The following DLGAP1 variants were observed in gnomAD, a reference collection of about 807,000 sequenced individuals.
The protein encoded by DLGAP1 is disks large-associated protein 1.
DLGAP1 carries 11 observed loss-of-function variants against 90.8 expected under a neutral mutation model. The observed-to-expected ratio is 0.12, with a 90% CI of 0.08 to 0.20. The LOEUF is 0.20. Ranked by LOEUF, DLGAP1 falls within the 10% of genes least tolerant of loss-of-function variation. The pLI, the probability that DLGAP1 is intolerant of heterozygous loss-of-function variation, is 1.00. For synonymous variants in DLGAP1, 558 were observed against 540.7 expected (o/e 1.03, Z -0.44); for missense variants, 1,050 against 1,333.8 (o/e 0.79, Z 3.31).
chr18:3,657,846 C>T (rs902573980), intron 7 of DLGAP1, among the ~76,000 whole-genome samples: 5 of 151,916 alleles, frequency 3.3e-5, no homozygotes, highest in African/African-American at 9.7e-5. Context: ...CCTCGTGATC[C>T]GCCCGCCTCG....
intron 2 of DLGAP1, among the ~76,000 whole-genome samples, chr18:4,040,651 C>T (rs2074960485): frequency 6.6e-6 from 1 of 152,108 alleles, no homozygotes; most frequent in South Asian, 2.1e-4. Context: ...CTCATTTCAG[C>T]CAAGGTATCA....
chr18:3,780,684 T>G (rs1165196156), intron 5 of DLGAP1, among the ~76,000 whole-genome samples: 1 of 152,256 alleles, frequency 6.6e-6, no homozygotes, highest in African/African-American at 2.4e-5. Flanking sequence ...ATGTAACATA[T>G]TCACAGGTTC....
chr18:3,574,112 T>C (rs2054967355), intron 8 of DLGAP1, among the ~76,000 whole-genome samples: 1 of 152,240 alleles, frequency 6.6e-6, no homozygotes, highest in Non-Finnish European at 1.5e-5. Flanking sequence ...CAAGAATCTT[T>C]TATAGTTTTT....
chr18:4,231,193 C>A (rs1001248789), intron 1 of DLGAP1, among the ~76,000 whole-genome samples: 1 of 152,014 alleles, frequency 6.6e-6, no homozygotes, highest in Non-Finnish European at 1.5e-5. Flanking sequence ...TACATGAAAT[C>A]TCAAACACGC....
intron 1 of DLGAP1, among the ~76,000 whole-genome samples, chr18:4,437,772 C>T (rs917005957): frequency 6.6e-6 from 1 of 150,520 alleles, no homozygotes; most frequent in Admixed American, 6.7e-5. Context: ...TTTCTACTTG[C>T]TTCTTATAAT....
At chr18:3,750,964 C>T (rs1041457911) in intron 5 of DLGAP1, among the ~76,000 whole-genome samples, 1 of 152,148 alleles carries the variant, frequency 6.6e-6, no homozygotes, top group African/African-American at 2.4e-5. Context: ...CCATCTGTAC[C>T]CCTATAGTGG....
In DLGAP1 at chr18:4,040,952, T is replaced by C. The variant is rs536480610; in HGVS notation, c.-158-35751A>G. On this transcript the variant is annotated intron_variant, in intron 2 of 12. Transcript: ENST00000315677. ...GGCCTGATCCAGAGAGACCCGGCAT[T>C]AACATGATTCTCCCTAGGGAGGAAA... Among the ~76,000 whole-genome samples, 99 of 152,286 alleles carry C rather than the reference T, an allele frequency of 6.5e-4. 2 individuals are homozygous for C. Among genetic ancestry groups the C allele is most frequent in the Non-Finnish European group, 2.9e-4 (20 of 68,016 alleles).
At chr18:3,567,996 T>C (rs1222494600) in intron 8 of DLGAP1, among the ~76,000 whole-genome samples, 1 of 152,136 alleles carries the variant, frequency 6.6e-6, no homozygotes, top group African/African-American at 2.4e-5. Flanking sequence ...CCTCCCGGGT[T>C]CAAGGGATTC....
intron 3 of DLGAP1, among the ~76,000 whole-genome samples, chr18:3,925,172 C>G (rs1204758136): frequency 6.6e-6 from 1 of 152,094 alleles, no homozygotes; most frequent in African/African-American, 2.4e-5. Flanking sequence ...GGGCTGGTCT[C>G]AAACTCCTGA....
intron 4 of DLGAP1, among the ~76,000 whole-genome samples, chr18:3,818,744 C>T (rs1309921847): frequency 4.0e-5 from 6 of 150,480 alleles, no homozygotes; most frequent in African/African-American, 7.3e-5. Flanking sequence ...TACAGATGCC[C>T]GCCACCATGC....
intron 1 of DLGAP1, among the ~76,000 whole-genome samples, chr18:4,381,357 C>T (rs12456121): frequency 0.21 from 32,173 of 152,014 alleles, 3,573 homozygotes; most frequent in East Asian, 0.31. Flanking sequence ...CAGAATGATG[C>T]CCAATTGATA....
chr18:4,246,093 C>T (rs2145161318), intron 1 of DLGAP1, among the ~76,000 whole-genome samples: 1 of 152,142 alleles, frequency 6.6e-6, no homozygotes, highest in African/African-American at 2.4e-5. Flanking sequence ...GTGTTTATTC[C>T]TATTAAAGTA....
At chr18:3,965,954 A>T (rs1444579697) in intron 3 of DLGAP1, among the ~76,000 whole-genome samples, 1 of 151,624 alleles carries the variant, frequency 6.6e-6, no homozygotes, top group East Asian at 2.0e-4. Flanking sequence ...AAAAAAAAAA[A>T]AAAATAGAGT....
intron 4 of DLGAP1, among the ~76,000 whole-genome samples, chr18:3,829,408 T>C (rs1242636309): frequency 7.6e-6 from 1 of 131,144 alleles, no homozygotes; most frequent in Non-Finnish European, 1.5e-5. Context: ...TGACCCTTAA[T>C]GGATTGTGCA....
At chr18:3,755,114 G>A (rs1473744568) in intron 5 of DLGAP1, among the ~76,000 whole-genome samples, 4 of 151,782 alleles carry the variant, frequency 2.6e-5, no homozygotes, top group Non-Finnish European at 5.9e-5. Context: ...TGTAATCTCT[G>A]GAGTAACCAT....
intron 5 of DLGAP1, among the ~76,000 whole-genome samples, chr18:3,796,414 T>C (rs181871213): frequency 6.6e-6 from 1 of 152,298 alleles, no homozygotes; most frequent in Non-Finnish European, 1.5e-5. Context: ...AATAATCAAA[T>C]GAGATACAAA....
At chr18:3,559,332 G>A (rs144191159) in intron 9 of DLGAP1, among the ~76,000 whole-genome samples, 33 of 152,190 alleles carry the variant, frequency 2.2e-4, no homozygotes, top group African/African-American at 4.1e-4. Flanking sequence ...TTAAATGAGC[G>A]CTGACAGCCA....
chr18:4,354,235 A>G (rs879348053), intron 1 of DLGAP1, among the ~76,000 whole-genome samples: 8 of 152,168 alleles, frequency 5.3e-5, no homozygotes, highest in Non-Finnish European at 1.2e-4. Context: ...AAGGTGAGTC[A>G]CAGAAACCAG....
intron 1 of DLGAP1, among the ~76,000 whole-genome samples, chr18:4,398,243 A>G (rs555905744): frequency 5.2e-4 from 79 of 152,248 alleles, no homozygotes; most frequent in Non-Finnish European, 1.1e-3. Flanking sequence ...AAGTACAAAT[A>G]GGCAAACATC....
Sources: allele counts gnomAD v4.1 joint callset (sites outside exome capture counted in the v4.1 genomes callset), GRCh38; gene constraint gnomAD v4.1.1; transcripts MANE v1.5; gene names NCBI Gene and HGNC (gene_info 2026-07-23, HGNC 2026-07-21).